The following MAP3K1 variants were observed in gnomAD, a reference collection of about 807,000 sequenced individuals.
MAP3K1 encodes mitogen-activated protein kinase kinase kinase 1.
In MAP3K1, 36 loss-of-function variants were observed where a neutral mutation model predicts 144.2. That is an observed-to-expected ratio of 0.25 (90% confidence interval 0.19 to 0.33). MAP3K1 has a LOEUF of 0.33. MAP3K1 is among the 10% of genes least tolerant of loss of function. The pLI, the probability that MAP3K1 is intolerant of heterozygous loss-of-function variation, is 1.00. For missense variants in MAP3K1, 1,650 were observed against 1,881.9 expected (o/e 0.88, Z 2.28); for synonymous variants, 718 against 688.7 (o/e 1.04, Z -0.67).
chr5:56,817,135 T>A, intron 1 of MAP3K1: 1 of 984,294 alleles, frequency 1.0e-6, no homozygotes, highest in Non-Finnish European at 1.2e-6. Context: ...GACCAGCGGT[T>A]TATTGGCCTC....
intron 2 of MAP3K1, among the ~76,000 whole-genome samples, chr5:56,857,994 A>C (rs541922141): frequency 1.3e-5 from 2 of 152,112 alleles, no homozygotes; most frequent in Non-Finnish European, 2.9e-5. Flanking sequence ...TCTTCCATTT[A>C]TTACTCACGT....
rs1241780680 is a variant in MAP3K1, at chr5:56,865,869, C to T, written c.1193C>T (p.Ser398Leu). The T allele has an allele frequency of 1.2e-6, 2 of 1,614,066 alleles. No homozygotes were observed. ...CAGAAATATCACAGTAGGCGTAGCT[C>T]AAGGATCAAAGCTCCATCTCGTAAC... Reference protein sequence around the residue: ...LFQKYHSRRSSRIKAPSRNTI... With the variant: ...LFQKYHSRRSLRIKAPSRNTI... The change falls in exon 6 of 20, where the codon TCA becomes TTA. Residue 398 changes from serine to leucine, a missense_variant. Ser to Leu is a moderately radical substitution (Grantham distance 145, BLOSUM62 -2). Coordinates refer to ENST00000399503, the MANE Select transcript of MAP3K1 (RefSeq NM_005921.2).
chr5:56,826,602 C>T (rs1201770959), intron 1 of MAP3K1, among the ~76,000 whole-genome samples: 1 of 152,200 alleles, frequency 6.6e-6, no homozygotes, highest in African/African-American at 2.4e-5. Context: ...AGCTTGATGA[C>T]GATGTAAGCA....
chr5:56,859,560 C>T, intron 2 of MAP3K1, 155 bp from the exon 3 acceptor site: 1 of 622,236 alleles, frequency 1.6e-6, no homozygotes, highest in Non-Finnish European at 2.8e-6. Context: ...ACATTAATAG[C>T]TTAAAGTAAT....
Position 56,866,012 on chromosome 5 carries a change from A to T in MAP3K1, c.1301+35A>T, listed in dbSNP as rs748761056. ...TTTTAAGGATTTCAAACATTAATCC[A>T]GTGTTACTTTTAATTTTAGGGGTAA... On this transcript the variant is annotated intron_variant, in intron 6 of 19. Coordinates refer to ENST00000399503, the MANE Select transcript of MAP3K1 (RefSeq NM_005921.2). 4 of 1,519,906 alleles carry T rather than the reference A, an allele frequency of 2.6e-6. No individual in the cohort carries two copies. The African/African-American group carries it at 5.5e-5, about 21-fold the overall frequency. The allele number at this position is 1,519,906 out of a possible 1,614,324, so 94.2% of individuals were successfully genotyped here. A position where few individuals can be genotyped will look rare whatever the true frequency, so the allele number is the denominator to read the frequency against.
At chr5:56,878,060 A>G (rs1748095138) in intron 10 of MAP3K1, among the ~76,000 whole-genome samples, 1 of 152,168 alleles carries the variant, frequency 6.6e-6, no homozygotes, top group Non-Finnish European at 1.5e-5. Context: ...CATGGCTTTT[A>G]TTATTGGTGA....
chr5:56,890,801 C>T (rs1052203970), intron 19 of MAP3K1, among the ~76,000 whole-genome samples: 1 of 151,868 alleles, frequency 6.6e-6, no homozygotes, highest in Non-Finnish European at 1.5e-5. Context: ...AATCCCAGCA[C>T]TTTGGGAGGC....
At chr5:56,880,308 G>T (rs1381541087) in intron 11 of MAP3K1, among the ~76,000 whole-genome samples, 2 of 152,094 alleles carry the variant, frequency 1.3e-5, no homozygotes, top group Non-Finnish European at 2.9e-5. Flanking sequence ...CCTCATTTTG[G>T]CTATGTAAGG....
In MAP3K1 at chr5:56,884,672, T is replaced by C. The variant is rs372801625; in HGVS notation, c.3828T>C (p.Tyr1276=). ...GTLMAVKQVT[Y]VRNTSSEQEE... ...GTGTTTATTTGAAACAGGTGACTTATGTCAGAAACACATCTTCTGAGCAAG... is the reference window on the plus strand; with the variant it reads ...GTGTTTATTTGAAACAGGTGACTTACGTCAGAAACACATCTTCTGAGCAAG... The change falls in exon 16 of 20, where the codon TAT becomes TAC. Residue 1276 remains tyrosine, a synonymous_variant. Transcript: ENST00000399503. 12 of 1,613,662 alleles carry C rather than the reference T, an allele frequency of 7.4e-6. No homozygotes were observed. The highest frequency in any genetic ancestry group is 2.2e-5 in the South Asian group (2 of 91,066).
At chr5:56,865,108 T>C (rs927189205) in intron 4 of MAP3K1, among the ~76,000 whole-genome samples, 174 bp downstream of exon 4, 1 of 152,212 alleles carries the variant, frequency 6.6e-6, no homozygotes, top group Non-Finnish European at 1.5e-5. Flanking sequence ...GAGGTTTTAC[T>C]ATCTTAATAT....
intron 1 of MAP3K1, 125 bp from the exon 2 acceptor site, chr5:56,856,475 A>G (rs1425523062): frequency 1.2e-6 from 1 of 808,520 alleles, no homozygotes; most frequent in East Asian, 2.7e-5. Flanking sequence ...TGGGGTTTTT[A>G]GCAGTTATCT....
At chr5:56,867,006 C>G (rs1747694694) in intron 6 of MAP3K1, among the ~76,000 whole-genome samples, 1 of 152,082 alleles carries the variant, frequency 6.6e-6, no homozygotes, top group African/African-American at 2.4e-5. Context: ...CCCCTCATCT[C>G]TTCTAAATAA....
At chr5:56,876,859 C>A (rs1290031838) in intron 10 of MAP3K1, among the ~76,000 whole-genome samples, 2 of 152,128 alleles carry the variant, frequency 1.3e-5, no homozygotes, top group African/African-American at 4.8e-5. Flanking sequence ...GATTATCCCC[C>A]AAATCATTTA....
intron 1 of MAP3K1, among the ~76,000 whole-genome samples, chr5:56,834,677 C>T (rs1399224747): frequency 1.3e-5 from 2 of 152,040 alleles, no homozygotes; most frequent in Non-Finnish European, 2.9e-5. Context: ...CCACTGCACT[C>T]CAGCCTGGGC....
At chr5:56,838,361 T>G (rs1746715913) in intron 1 of MAP3K1, among the ~76,000 whole-genome samples, 1 of 152,210 alleles carries the variant, frequency 6.6e-6, no homozygotes, top group Admixed American at 6.5e-5. Context: ...GCAGGAAAAG[T>G]CATAAGTCAA....
At chr5:56,887,863 G>C (rs1478686794) in intron 18 of MAP3K1, 9 of 432,228 alleles carry the variant, frequency 2.1e-5, no homozygotes, top group Non-Finnish European at 3.8e-5. Context: ...GCATACAGAG[G>C]CAGCTCCTGT....
chr5:56,852,565 T>TA, intron 1 of MAP3K1, among the ~76,000 whole-genome samples: 1 of 152,352 alleles, frequency 6.6e-6, no homozygotes, highest in South Asian at 2.1e-4. Context: ...TGATCTGTAA[T>TA]AGTGCTTAAG....
chr5:56,890,785 G>GT (rs537052834), intron 19 of MAP3K1, among the ~76,000 whole-genome samples: 110 of 152,184 alleles, frequency 7.2e-4, no homozygotes, highest in South Asian at 2.5e-3. Context: ...AGTGGCTCAT[G>GT]CCTGTAATCC....
chr5:56,822,177 C>G (rs1195669487), intron 1 of MAP3K1, among the ~76,000 whole-genome samples: 1 of 152,124 alleles, frequency 6.6e-6, no homozygotes, highest in South Asian at 2.1e-4. Flanking sequence ...GCATGCCCCA[C>G]TATGCCCAGT....
Sources: gnomAD v4.1 joint callset for allele counts (sites outside exome capture counted in the v4.1 genomes callset) on GRCh38, gnomAD v4.1.1 for gene constraint, MANE v1.5 for transcripts, NCBI Gene and HGNC (gene_info 2026-07-23, HGNC 2026-07-21) for gene names.